Variants in UNC13C observed in about 807,000 individuals in gnomAD.
The protein encoded by UNC13C is unc-13 homolog C.
Under a neutral mutation model 245.4 loss-of-function variants are expected in UNC13C, and 174 were observed. The observed-to-expected ratio is 0.71, with a 90% confidence interval of 0.63 to 0.80. The LOEUF is 0.80. Ranked by LOEUF, UNC13C falls within the 30% of genes least tolerant of loss-of-function variation. The pLI is 0.00. For synonymous variants in UNC13C, 992 were observed against 895.1 expected, an observed-to-expected ratio of 1.11 and a Z score of -1.93; for missense variants, 2,829 against 2,602.9, an observed-to-expected ratio of 1.09 and a Z score of -1.89.
At chr15:54,539,848 A>G (rs1023868228) in intron 26 of UNC13C, among the ~76,000 whole-genome samples, 1 of 152,092 alleles carries the variant, frequency 6.6e-6, no homozygotes, top group African/African-American at 2.4e-5. Flanking sequence ...TCTTATTTTC[A>G]GTACATTTTG....
chr15:54,113,579 C>T (rs1160169869), intron 2 of UNC13C, among the ~76,000 whole-genome samples: 1 of 152,130 alleles, frequency 6.6e-6, no homozygotes, highest in East Asian at 1.9e-4. Flanking sequence ...GTAATCCCAG[C>T]ACTTTGGGAG....
intron 7 of UNC13C, among the ~76,000 whole-genome samples, chr15:54,245,756 T>C (rs2035974631): frequency 6.6e-6 from 1 of 152,176 alleles, no homozygotes; most frequent in Admixed American, 6.5e-5. Context: ...GATATATTTT[T>C]TTCTGGAAAG....
intron 26 of UNC13C, among the ~76,000 whole-genome samples, chr15:54,533,589 A>C (rs1041242422): frequency 4.6e-5 from 7 of 152,254 alleles, no homozygotes; most frequent in Non-Finnish European, 8.8e-5. Context: ...TGGACAGTGA[A>C]GAAAAAGAAA....
the UNC13C span, among the ~76,000 whole-genome samples, chr15:53,866,537 A>G: frequency 6.6e-6 from 1 of 152,212 alleles, no homozygotes; most frequent in Non-Finnish European, 1.5e-5. Flanking sequence ...TCTTGTGAAA[A>G]TATTAGCAAT....
intron 30 of UNC13C, among the ~76,000 whole-genome samples, chr15:54,577,468 T>C (rs1898004341): frequency 6.6e-6 from 1 of 152,182 alleles, no homozygotes; most frequent in Admixed American, 6.5e-5. Flanking sequence ...GAGGCTGAGC[T>C]GTGTGGGTCA....
At chr15:54,157,738 G>A (rs184814158) in intron 4 of UNC13C, among the ~76,000 whole-genome samples, 1 of 152,102 alleles carries the variant, frequency 6.6e-6, no homozygotes, top group Non-Finnish European at 1.5e-5. Context: ...CATGGTACTG[G>A]TATCAAAACA....
intron 30 of UNC13C, among the ~76,000 whole-genome samples, chr15:54,587,671 A>G (rs1898564989): frequency 6.6e-6 from 1 of 152,158 alleles, no homozygotes; most frequent in Non-Finnish European, 1.5e-5. Flanking sequence ...TCTGGCAATC[A>G]GACTTGGAGG....
At chr15:54,245,174 T>G (rs2140853340) in intron 7 of UNC13C, among the ~76,000 whole-genome samples, 1 of 152,308 alleles carries the variant, frequency 6.6e-6, no homozygotes, top group South Asian at 2.1e-4. Flanking sequence ...ATCAAATTAA[T>G]TATCTCATAC....
chr15:54,192,368 A>G (rs527542002), intron 4 of UNC13C, among the ~76,000 whole-genome samples: 1 of 152,042 alleles, frequency 6.6e-6, no homozygotes, highest in Admixed American at 6.6e-5. Flanking sequence ...TTCTTGTGTC[A>G]TCTAATAAAG....
intron 4 of UNC13C, among the ~76,000 whole-genome samples, chr15:54,211,426 A>G (rs1481988360): frequency 6.6e-6 from 1 of 152,086 alleles, no homozygotes; most frequent in Non-Finnish European, 1.5e-5. Context: ...TAATACTTGT[A>G]GGTTTTATTC....
chr15:54,060,732 T>A (rs1202003952), intron 2 of UNC13C, among the ~76,000 whole-genome samples: 1 of 151,990 alleles, frequency 6.6e-6, no homozygotes, highest in South Asian at 2.1e-4. Flanking sequence ...TGTCCAACAG[T>A]GATAGACTGG....
intron 18 of UNC13C, among the ~76,000 whole-genome samples, chr15:54,411,774 C>G (rs1297456255): frequency 2.6e-5 from 4 of 152,176 alleles, no homozygotes; most frequent in African/African-American, 7.2e-5. Flanking sequence ...TTTTCCTCTT[C>G]TAGTGCTTTT....
chr15:54,571,195 T>C (rs1405410802), intron 30 of UNC13C, among the ~76,000 whole-genome samples: 1 of 152,194 alleles, frequency 6.6e-6, no homozygotes, highest in Non-Finnish European at 1.5e-5. Context: ...GTGGGTAATT[T>C]ATAAAGGAAA....
At chr15:53,924,390 C>G in the UNC13C span, among the ~76,000 whole-genome samples, 1 of 152,084 alleles carries the variant, frequency 6.6e-6, no homozygotes, top group Non-Finnish European at 1.5e-5. Flanking sequence ...TGATGCTTTC[C>G]CTTTTCTTTC....
chr15:54,250,469 A>C (rs763828130), intron 8 of UNC13C, 25 bp downstream of exon 8: 1 of 1,573,652 alleles, frequency 6.4e-7, no homozygotes, highest in South Asian at 1.2e-5. Context: ...TGGCTGAAAA[A>C]GTGGTATGCA....
At position 54,627,447 on chromosome 15, in the gene UNC13C, G is replaced by A. The variant is rs750953485; in HGVS notation, c.*334G>A. Reference sequence around the variant, plus strand: ...TGCCCATCAGTTGTCTTTGTTAAATGAGATTATATTGCCCATAGATCAGAA... The same window carrying A: ...TGCCCATCAGTTGTCTTTGTTAAATAAGATTATATTGCCCATAGATCAGAA... On this transcript the variant is annotated 3_prime_UTR_variant, in exon 33 of 33. Transcript: ENST00000260323. The A allele has an allele frequency of 2.2e-5, 4 of 184,186 alleles. No homozygotes were observed. Among genetic ancestry groups the A allele is most frequent in the Non-Finnish European group, 4.6e-5 (4 of 87,676 alleles). 11.4% of individuals were successfully genotyped at this position (184,186 alleles called of 1,614,324 possible).
chr15:54,415,409 C>T (rs1171320150), intron 19 of UNC13C, among the ~76,000 whole-genome samples: 1 of 152,094 alleles, frequency 6.6e-6, no homozygotes, highest in Non-Finnish European at 1.5e-5. Context: ...AGATATTTGT[C>T]TACGTGGACT....
chr15:54,079,648 G>T (rs2141115145), intron 2 of UNC13C, among the ~76,000 whole-genome samples: 1 of 152,054 alleles, frequency 6.6e-6, no homozygotes, highest in South Asian at 2.1e-4. Flanking sequence ...ATTGATTTTT[G>T]TGCATTAATT....
chr15:54,021,404 T>G (rs1006149469), intron 2 of UNC13C, among the ~76,000 whole-genome samples: 1 of 152,224 alleles, frequency 6.6e-6, no homozygotes, highest in Non-Finnish European at 1.5e-5. Flanking sequence ...TCTCTGAGAT[T>G]GACTTTGTTA....
Sources: gnomAD v4.1 joint callset for allele counts (sites outside exome capture counted in the v4.1 genomes callset) on GRCh38, gnomAD v4.1.1 for gene constraint, MANE v1.5 for transcripts, NCBI Gene and HGNC (gene_info 2026-07-23, HGNC 2026-07-21) for gene names.